The following ACSM1 variants were observed in gnomAD, a reference collection of about 807,000 sequenced individuals.
The protein encoded by ACSM1 is acyl-coenzyme A synthetase ACSM1, mitochondrial.
ACSM1 carries 79 observed loss-of-function variants against 75.8 expected under a neutral mutation model. That is an observed-to-expected ratio of 1.04 (90% CI 0.87 to 1.26). The LOEUF is 1.26. Among genes scored for constraint, ACSM1 ranks in the 50% most tolerant of loss-of-function variants. The pLI is 0.00. For synonymous variants in ACSM1, 279 were observed against 265.8 expected (o/e 1.05, Z -0.48); for missense variants, 676 against 720.1 (o/e 0.94, Z 0.70).
intron 10 of ACSM1, 63 bp from the exon 11 acceptor site, chr16:20,627,379 T>G (rs142057414): frequency 6.7e-7 from 1 of 1,488,004 alleles, no homozygotes; most frequent in Middle Eastern, 2.0e-4. Context: ...AGCCACAACC[T>G]TGGGTTCCAA....
At chr16:20,627,154 GCAA>G (rs777342125) in intron 11 of ACSM1, 32 bp downstream of exon 11, 8 of 1,493,506 alleles carry the variant, frequency 5.4e-6, no homozygotes, top group Non-Finnish European at 6.2e-6. Flanking sequence ...GCATGTGACG[GCAA>G]CAACAGCCAG....
At chr16:20,656,684 A>G (rs1007097224) in intron 7 of ACSM1, among the ~76,000 whole-genome samples, 12 of 152,174 alleles carry the variant, frequency 7.9e-5, no homozygotes, top group Non-Finnish European at 4.4e-5. Flanking sequence ...GGAAGCCAAT[A>G]TGATGGTACT....
At chr16:20,692,891 C>T (rs2079667297) in intron 1 of ACSM1, among the ~76,000 whole-genome samples, 1 of 152,062 alleles carries the variant, frequency 6.6e-6, no homozygotes, top group Non-Finnish European at 1.5e-5. Context: ...AGAGCTTAGG[C>T]CAGGCACAGT....
chr16:20,637,947 G>A (rs1324494591), intron 8 of ACSM1, among the ~76,000 whole-genome samples: 1 of 152,178 alleles, frequency 6.6e-6, no homozygotes, highest in Non-Finnish European at 1.5e-5. Context: ...TGTCATCAGT[G>A]ATCCGTAGGA....
chr16:20,694,911 G>C (rs778059097), intron 1 of ACSM1, among the ~76,000 whole-genome samples: 15 of 152,128 alleles, frequency 9.9e-5, no homozygotes, highest in Non-Finnish European at 2.2e-4. Flanking sequence ...TGAATATGAA[G>C]ATAGCCAAGG....
At chr16:20,685,825 A>AAG (rs2079540200) in intron 2 of ACSM1, among the ~76,000 whole-genome samples, 1 of 119,026 alleles carries the variant, frequency 8.4e-6, no homozygotes, top group Non-Finnish European at 1.9e-5. Flanking sequence ...GTCTCAAAAA[A>AAG]AAAAAACAAA....
intron 7 of ACSM1, among the ~76,000 whole-genome samples, chr16:20,647,071 G>T (rs1269635448): frequency 6.6e-6 from 1 of 152,198 alleles, no homozygotes; most frequent in African/African-American, 2.4e-5. Flanking sequence ...TCTGCCTTCT[G>T]TTAGAAGGTG....
chr16:20,625,001 A>G (rs2016832305), intron 12 of ACSM1, among the ~76,000 whole-genome samples: 1 of 152,174 alleles, frequency 6.6e-6, no homozygotes, highest in Non-Finnish European at 1.5e-5. Flanking sequence ...AATTACAGGC[A>G]TGAGCCACCG....
Position 20,669,839 on chromosome 16 carries a change from C to T in ACSM1, c.900G>A (p.Lys300=). Residue 300 remains lysine, a synonymous_variant, in exon 6 of 14, where the codon AAG becomes AAA. Transcript: ENST00000520010. ...TGAGTCTTCTTACCTGTATGATGAC[C>T]TTGGTGTCAAACTGTGGCAGATGGT... ...FIHHLPQFDT[K]VIIQTLLKYP... 1 of 1,613,808 alleles carries T rather than the reference C, an allele frequency of 6.2e-7. No individual in the cohort carries two copies. The highest frequency in any genetic ancestry group is 2.2e-5 in the East Asian group (1 of 44,874).
rs373619880 is a variant in ACSM1, at chr16:20,659,211, C to T, written c.992+2583G>A. 4.6e-5 allele frequency among the ~76,000 whole-genome samples: 7 copies of T among 152,218 alleles called. No individual in the cohort carries two copies. The East Asian group carries it at 7.7e-4, about 17-fold the overall frequency. On this transcript the variant is annotated intron_variant, in intron 7 of 13. Transcript: ENST00000520010. ...GGTCTTCCCCCCATTATCCAAAACG[C>T]TAGTGTTTAAAACTATTACCATCAA... is the stretch of plus-strand genomic sequence containing the variant.
intron 9 of ACSM1, chr16:20,637,165 C>T (rs779270807): frequency 3.9e-6 from 3 of 762,360 alleles, no homozygotes; most frequent in East Asian, 4.9e-5. Context: ...GTGTGTGATG[C>T]CCTGGCTGCC....
At chr16:20,632,326 AGATT>A (rs1283827336) in intron 10 of ACSM1, among the ~76,000 whole-genome samples, 3 of 152,238 alleles carry the variant, frequency 2.0e-5, no homozygotes, top group African/African-American at 7.2e-5. Flanking sequence ...GTCTTCAGCT[AGATT>A]GATTAATAAA....
chr16:20,637,529 A>C, intron 8 of ACSM1, 78 bp from the exon 9 acceptor site: 1 of 1,216,220 alleles, frequency 8.2e-7, no homozygotes, highest in Non-Finnish European at 1.2e-6. Flanking sequence ...CATACACAGC[A>C]TCCTCTGCTC....
At chr16:20,693,925 A>G (rs540723727) in intron 1 of ACSM1, among the ~76,000 whole-genome samples, 4 of 152,220 alleles carry the variant, frequency 2.6e-5, no homozygotes, top group Non-Finnish European at 5.9e-5. Flanking sequence ...CTTAAAAGCA[A>G]AATTTATTCA....
rs1249724272 is a variant in ACSM1 at position 20,625,364 on chromosome 16, C to T, written c.1527+59G>A. The stretch of plus-strand genomic sequence containing the variant: ...GCACAGGTAAAGCCTGGATGTTTCC[C>T]CTGCACCTGCTTTCCTAGTGCCCAC... On this transcript the variant is annotated intron_variant, in intron 12 of 13. Coordinates refer to ENST00000520010, the MANE Select transcript of ACSM1 (RefSeq NM_001318890.3). 5 of 1,542,740 alleles carry T rather than the reference C, an allele frequency of 3.2e-6. No homozygotes were observed. In the Admixed American group the frequency reaches 6.8e-5, roughly 21 times the overall value.
chr16:20,644,646 T>C (rs926318620), intron 7 of ACSM1, among the ~76,000 whole-genome samples: 5 of 151,962 alleles, frequency 3.3e-5, no homozygotes, highest in African/African-American at 9.7e-5. Flanking sequence ...TGCCTAATAA[T>C]TGGTCTGCTC....
intron 3 of ACSM1, among the ~76,000 whole-genome samples, chr16:20,683,507 T>A (rs2079487295): frequency 6.6e-6 from 1 of 152,130 alleles, no homozygotes; most frequent in Admixed American, 6.6e-5. Context: ...ACTTTGAAGA[T>A]GCTGCTTTCT....
chr16:20,636,212 G>C (rs892715184), intron 10 of ACSM1, among the ~76,000 whole-genome samples: 2 of 152,182 alleles, frequency 1.3e-5, no homozygotes, highest in African/African-American at 4.8e-5. Flanking sequence ...TATCCTGGGA[G>C]GGCCATTGCT....
chr16:20,651,732 CA>C lies in ACSM1; in HGVS notation c.992+10061del, dbSNP rs1285042813. Among the ~76,000 whole-genome samples the C allele has an allele frequency of 1.6e-4, 24 of 151,846 alleles. No homozygotes were observed. The South Asian group carries it at 3.7e-3, about 24-fold the overall frequency. On this transcript the variant is annotated intron_variant, in intron 7 of 13. Coordinates refer to ENST00000520010, the MANE Select transcript of ACSM1 (RefSeq NM_001318890.3). ...AAAAGTGCTTAAATCAGATACTAAA[CA>C]AAAAAAACTAGTCAAATGCTTTTTC... is the stretch of plus-strand genomic sequence containing the variant.
Sources: allele counts gnomAD v4.1 joint callset (sites outside exome capture counted in the v4.1 genomes callset), GRCh38; gene constraint gnomAD v4.1.1; transcripts MANE v1.5; gene names NCBI Gene and HGNC (gene_info 2026-07-23, HGNC 2026-07-21).